PROS1: variants seen among roughly 807,000 people sequenced by gnomAD.
The protein encoded by PROS1 is protein S.
A neutral mutation model predicts 75.9 loss-of-function variants in PROS1; 29 were observed. That is an observed-to-expected ratio of 0.38 (90% CI 0.28 to 0.52). PROS1 has a LOEUF of 0.52. Ranked by LOEUF, PROS1 falls within the 20% of genes least tolerant of loss-of-function variation. The pLI, the probability that PROS1 is intolerant of heterozygous loss-of-function variation, is 0.83. For synonymous variants in PROS1, 245 were observed against 280.6 expected, an observed-to-expected ratio of 0.87 and a Z score of 1.27; for missense variants, 680 against 810.3, an observed-to-expected ratio of 0.84 and a Z score of 1.95.
chr3:93,950,130 G>C (rs1482793479), intron 1 of PROS1, among the ~76,000 whole-genome samples: 6 of 152,160 alleles, frequency 3.9e-5, no homozygotes, highest in African/African-American at 7.2e-5. Flanking sequence ...AGCAAGGCTG[G>C]GGGGAAGCGC....
intron 4 of PROS1, among the ~76,000 whole-genome samples, chr3:93,907,380 A>G (rs745966642): frequency 3.3e-5 from 5 of 152,162 alleles, no homozygotes; most frequent in African/African-American, 4.8e-5. Context: ...TCCTCTGCTG[A>G]GAGCTGCTGA....
Position 93,892,226 on chromosome 3 carries a change from A to G in PROS1, c.1155+707T>C, listed in dbSNP as rs143837848. On this transcript the variant is annotated intron_variant, in intron 10 of 14. Coordinates refer to ENST00000394236, the MANE Select transcript of PROS1 (RefSeq NM_000313.4). ...ACACCTGTAATCCCAGCTACTCAGG[A>G]GGGTGAGGCACAAGAATCTCTTGAA... Among the ~76,000 whole-genome samples the G allele has an allele frequency of 4.4e-3, 665 of 152,138 alleles. 7 individuals are homozygous for G. Among genetic ancestry groups the G allele is most frequent in the Admixed American group, 6.4e-3 (97 of 15,274 alleles).
At chr3:93,969,082 G>A (rs182824961) in intron 1 of PROS1, among the ~76,000 whole-genome samples, 1 of 145,812 alleles carries the variant, frequency 6.9e-6, no homozygotes, top group Admixed American at 6.8e-5. Context: ...ACCATTACCT[G>A]TATTCCCTTG....
intron 1 of PROS1, among the ~76,000 whole-genome samples, chr3:93,927,857 ATATATATATATATATATGTGTGTATGTG>A (rs1709043530): frequency 7.2e-6 from 1 of 139,080 alleles, no homozygotes; most frequent in African/African-American, 2.6e-5. Flanking sequence ...AAACATATAT[ATATATATATATATATATGTGTGTATGTG>A]TATATATATA....
intron 1 of PROS1, among the ~76,000 whole-genome samples, chr3:93,959,235 G>T (rs1709660822): frequency 6.6e-6 from 1 of 152,060 alleles, no homozygotes. Context: ...GATTGCTTGA[G>T]CCCAGAAGGT....
At chr3:93,920,165 T>A (rs1310570403) in intron 3 of PROS1, among the ~76,000 whole-genome samples, 2 of 152,070 alleles carry the variant, frequency 1.3e-5, no homozygotes, top group Non-Finnish European at 2.9e-5. Flanking sequence ...TGGGAAGCCC[T>A]GGCAGGAGGA....
chr3:93,886,952 C>T (rs1031283119), intron 10 of PROS1, among the ~76,000 whole-genome samples: 1 of 148,982 alleles, frequency 6.7e-6, no homozygotes, highest in African/African-American at 2.5e-5. Context: ...CGCTCTGTCG[C>T]CCAGGCCAGA....
chr3:93,941,894 C>T (rs1314465396), intron 1 of PROS1, among the ~76,000 whole-genome samples: 1 of 152,196 alleles, frequency 6.6e-6, no homozygotes, highest in African/African-American at 2.4e-5. Context: ...GGTGCGTATG[C>T]TTTCTGCTAC....
chr3:93,876,312 A>C (rs1240097854), intron 14 of PROS1, among the ~76,000 whole-genome samples: 1 of 152,056 alleles, frequency 6.6e-6, no homozygotes, highest in Non-Finnish European at 1.5e-5. Context: ...TACTACAACT[A>C]TTGTCACTGC....
intron 3 of PROS1, among the ~76,000 whole-genome samples, chr3:93,916,224 G>T (rs1044277183): frequency 1.3e-5 from 2 of 152,102 alleles, no homozygotes; most frequent in African/African-American, 4.8e-5. Context: ...TGGTTCATTT[G>T]TCCTTCTTCT....
At chr3:93,889,530 T>TAC (rs1287338166) in intron 10 of PROS1, among the ~76,000 whole-genome samples, 1 of 152,218 alleles carries the variant, frequency 6.6e-6, no homozygotes, top group Non-Finnish European at 1.5e-5. Flanking sequence ...TATTTCATGT[T>TAC]ACATTATATT....
intron 12 of PROS1, among the ~76,000 whole-genome samples, chr3:93,884,459 A>G (rs924722071): frequency 1.3e-5 from 2 of 152,236 alleles, no homozygotes; most frequent in Non-Finnish European, 2.9e-5. Context: ...AGTGAACTTT[A>G]AAATAGGTCA....
At chr3:93,944,902 G>C (rs1028572775) in intron 1 of PROS1, among the ~76,000 whole-genome samples, 13 of 151,774 alleles carry the variant, frequency 8.6e-5, no homozygotes, top group African/African-American at 2.4e-4. Flanking sequence ...AAAATTGATA[G>C]AATAATAAAG....
intron 1 of PROS1, among the ~76,000 whole-genome samples, chr3:93,972,192 A>G (rs930057926): frequency 1.7e-4 from 26 of 152,206 alleles, no homozygotes; most frequent in African/African-American, 4.8e-4. Flanking sequence ...CCTCTCCAAA[A>G]CACTAGCTAT....
At chr3:93,886,216 T>A in intron 11 of PROS1, 120 bp downstream of exon 11, 1 of 803,730 alleles carries the variant, frequency 1.2e-6, no homozygotes, top group Non-Finnish European at 2.1e-6. Flanking sequence ...CATTTCAAGT[T>A]GTCACACTTA....
intron 9 of PROS1, among the ~76,000 whole-genome samples, chr3:93,896,215 A>AT (rs2107154648): frequency 6.6e-6 from 1 of 152,276 alleles, no homozygotes; most frequent in African/African-American, 2.4e-5. Context: ...AATACTGAGT[A>AT]TTTTTTATTA....
At chr3:93,972,332 T>C (rs189272799) in intron 1 of PROS1, among the ~76,000 whole-genome samples, 143 of 152,326 alleles carry the variant, frequency 9.4e-4, no homozygotes, top group African/African-American at 3.3e-3. Context: ...GATCAAAAAA[T>C]AATGTTTTAG....
At chr3:93,900,566 C>T (rs1708577055) in intron 7 of PROS1, among the ~76,000 whole-genome samples, 1 of 152,072 alleles carries the variant, frequency 6.6e-6, no homozygotes, top group Admixed American at 6.6e-5. Flanking sequence ...TGGAGGTCTC[C>T]AATTCATAGG....
At position 93,973,498 on chromosome 3, in the gene PROS1, C is replaced by T. The variant is rs144144985; in HGVS notation, c.76+176G>A. 760 of 667,868 alleles carry T rather than the reference C, an allele frequency of 1.1e-3. 2 individuals carry two copies. Among genetic ancestry groups the T allele is most frequent in the Admixed American group, 2.6e-3 (112 of 42,512 alleles). 41.4% of individuals were successfully genotyped at this position (667,868 alleles called of 1,614,324 possible). On this transcript the variant is annotated intron_variant, in intron 1 of 14. Transcript: ENST00000394236. ...CAACTGTGCAAATAGTGATCCTGCC[C>T]CACCATTGCACTGCCTGCTCTATCC... is the stretch of plus-strand genomic sequence containing the variant.
Sources: allele counts gnomAD v4.1 joint callset (sites outside exome capture counted in the v4.1 genomes callset), GRCh38; gene constraint gnomAD v4.1.1; transcripts MANE v1.5; gene names NCBI Gene and HGNC (gene_info 2026-07-23, HGNC 2026-07-21).